Variants in P2RY12 observed in about 807,000 individuals in gnomAD.
P2RY12 encodes the protein P2Y purinoceptor 12.
P2RY12 carries 3 observed loss-of-function variants against 4.5 expected under a neutral mutation model. The observed-to-expected ratio is 0.67, with a 90% CI of 0.31 to 1.74. The LOEUF (loss-of-function observed/expected upper bound fraction) is 1.74, where lower values mean the gene tolerates loss of function less well. Ranked by LOEUF, P2RY12 falls within the 40% of genes most tolerant of loss-of-function variation. The pLI, the probability that P2RY12 is intolerant of heterozygous loss-of-function variation, is 0.09. For missense variants in P2RY12, 356 were observed against 407.8 expected, an observed-to-expected ratio of 0.87 and a Z score of 1.09; for synonymous variants, 148 against 154.1, an observed-to-expected ratio of 0.96 and a Z score of 0.29.
chr3:151,376,934 G>A, intron 1 of P2RY12: 5 of 1,608,936 alleles, frequency 3.1e-6, no homozygotes, highest in Non-Finnish European at 4.3e-6. Flanking sequence ...AAAACACGTT[G>A]ATGTTTGAGG....
chr3:151,371,751 G>A (rs375346868), intron 1 of P2RY12, among the ~76,000 whole-genome samples: 1 of 152,190 alleles, frequency 6.6e-6, no homozygotes, highest in Non-Finnish European at 1.5e-5. Context: ...TTTGAAGGCT[G>A]TGCTGTCATT....
intron 1 of P2RY12, chr3:151,384,139 C>T (rs1398037103): frequency 4.3e-6 from 7 of 1,613,972 alleles, no homozygotes; most frequent in Non-Finnish European, 5.9e-6. Flanking sequence ...GGAACGTTAG[C>T]CTCTGACCTA....
rs1331087387 is a variant in P2RY12 at position 151,338,156 on chromosome 3, G to A, written c.690C>T (p.Pro230=). The A allele has an allele frequency of 1.9e-6, 3 of 1,613,912 alleles. No individual in the cohort carries two copies. Among genetic ancestry groups the A allele is most frequent in the Non-Finnish European group, 2.5e-6 (3 of 1,179,938 alleles). ...YVRTRGVGKV[P]RKKVNVKVFI... Reference sequence around the variant, plus strand: ...AAACTTTGACGTTCACCTTTTTCCTGGGGACTTTACCTACACCCCTCGTTC... The same window carrying A: ...AAACTTTGACGTTCACCTTTTTCCTAGGGACTTTACCTACACCCCTCGTTC... The change falls in exon 3 of 3, where the codon CCC becomes CCT. Residue 230 remains proline (P), a synonymous_variant. Transcript: ENST00000302632.
At chr3:151,356,267 C>G (rs1237766972) in intron 1 of P2RY12, among the ~76,000 whole-genome samples, 1 of 152,136 alleles carries the variant, frequency 6.6e-6, no homozygotes, top group East Asian at 1.9e-4. Context: ...GGTTGCATGC[C>G]TGTAGTCCCA....
chr3:151,367,036 T>C (rs953906463), intron 1 of P2RY12, among the ~76,000 whole-genome samples: 3 of 152,208 alleles, frequency 2.0e-5, no homozygotes, highest in African/African-American at 7.2e-5. Flanking sequence ...TAGTTGTTTT[T>C]CTTATTATTT....
At chr3:151,357,454 A>C (rs1468556580) in intron 1 of P2RY12, 2 of 1,299,796 alleles carry the variant, frequency 1.5e-6, no homozygotes, top group Non-Finnish European at 2.1e-6. Flanking sequence ...AGTGGCTTTA[A>C]AAGAAAAATA....
At chr3:151,342,254 T>C (rs924206720) in intron 1 of P2RY12, among the ~76,000 whole-genome samples, 1 of 152,218 alleles carries the variant, frequency 6.6e-6, no homozygotes, top group African/African-American at 2.4e-5. Flanking sequence ...GCTTTAACTT[T>C]ATGTAAATAT....
intron 1 of P2RY12, among the ~76,000 whole-genome samples, chr3:151,341,909 A>G (rs961739840): frequency 2.6e-5 from 4 of 152,158 alleles, no homozygotes; most frequent in African/African-American, 4.8e-5. Flanking sequence ...ACATGAACTC[A>G]TCATTTTTTA....
At chr3:151,364,823 G>A (rs528133923) in intron 1 of P2RY12, among the ~76,000 whole-genome samples, 24 of 151,960 alleles carry the variant, frequency 1.6e-4, no homozygotes, top group Non-Finnish European at 2.5e-4. Context: ...TTTGATTAGC[G>A]CCAATTAGTA....
intron 1 of P2RY12, chr3:151,366,082 A>T: frequency 9.1e-7 from 1 of 1,094,104 alleles, no homozygotes; most frequent in Non-Finnish European, 1.3e-6. Context: ...TATTTAATTG[A>T]TTCAACTGAA....
At chr3:151,378,048 C>T in intron 1 of P2RY12, 1 of 1,610,336 alleles carries the variant, frequency 6.2e-7, no homozygotes, top group Non-Finnish European at 8.5e-7. Context: ...TGGTGGCCCC[C>T]CTCATCGCCA....
intron 1 of P2RY12, among the ~76,000 whole-genome samples, chr3:151,345,534 T>TC (rs1752424683): frequency 6.7e-6 from 1 of 148,276 alleles, no homozygotes; most frequent in African/African-American, 2.5e-5. Context: ...TTTTTTTTTT[T>TC]GAGACCAAGT....
At position 151,337,822 on chromosome 3, in the gene P2RY12, T is replaced by C. The variant is rs757399384; in HGVS notation, c.1024A>G (p.Met342Val). ...DGGDPNEETP[M>V] Reference sequence around the variant, plus strand: ...TATTTCCTTAGTTAATTTGTTTACATTGGAGTCTCTTCATTTGGGTCACCA... The same window carrying C: ...TATTTCCTTAGTTAATTTGTTTACACTGGAGTCTCTTCATTTGGGTCACCA... Residue 342 changes from methionine to valine, a missense_variant, in exon 3 of 3, where the codon ATG (methionine) becomes GTG (valine). Physicochemically the swap from Met to Val is conservative, Grantham distance 21. Transcript: ENST00000302632. 7 of 1,613,808 alleles carry C rather than the reference T, an allele frequency of 4.3e-6. No individual in the cohort carries two copies. In the Admixed American group the frequency reaches 1.2e-4, roughly 27 times the overall value.
rs114822450 is a variant in P2RY12, at chr3:151,361,314, C to A, written c.-179-20554G>T. On this transcript the variant is annotated intron_variant, in intron 1 of 2. Coordinates refer to ENST00000302632, the MANE Select transcript of P2RY12 (RefSeq NM_022788.5). ...ATGAGTTTTTTTAAAATGACCAGTA[C>A]CCTCACTGAATAACATTAAATCAAT... Among the ~76,000 whole-genome samples, 813 of 152,042 alleles carry A rather than the reference C, an allele frequency of 5.3e-3. 12 individuals carry two copies. The highest frequency in any genetic ancestry group is 0.019 in the African/African-American group (774 of 41,470).
rs188829702 is a variant in P2RY12 at position 151,356,897 on chromosome 3, T to C, written c.-179-16137A>G. Among the ~76,000 whole-genome samples, 139 of 152,306 alleles carry C rather than the reference T, an allele frequency of 9.1e-4. 2 individuals are homozygous for C. The highest frequency in any genetic ancestry group is 7.4e-3 in the Admixed American group (113 of 15,294). ...AATGAAAAGAAAAGCCAAATAACTT[T>C]CATTTTATTAAAAAGACAAAGGGGA... On this transcript the variant is annotated intron_variant, in intron 1 of 2. Coordinates refer to ENST00000302632, the MANE Select transcript of P2RY12 (RefSeq NM_022788.5).
intron 1 of P2RY12, among the ~76,000 whole-genome samples, chr3:151,343,605 ATC>A (rs1487610625): frequency 1.3e-5 from 2 of 150,208 alleles, no homozygotes; most frequent in Non-Finnish European, 3.0e-5. Flanking sequence ...AGATACTTTA[ATC>A]TCTCATTAGT....
intron 1 of P2RY12, chr3:151,377,115 C>T: frequency 1.2e-6 from 2 of 1,614,016 alleles, no homozygotes; most frequent in Non-Finnish European, 1.7e-6. Context: ...CTCTTCAACC[C>T]AAACAGTATT....
Position 151,340,653 on chromosome 3 carries a change from A to G in P2RY12, c.-72T>C, listed in dbSNP as rs3821667. The G allele has an allele frequency of 0.85, 129,513 of 152,618 alleles. 54,992 individuals are homozygous for G. The highest frequency in any genetic ancestry group is 0.95 in the Middle Eastern group (280 of 294). The allele number at this position is 152,618 out of a possible 1,614,324, so 9.5% of individuals were successfully genotyped here. A position where few individuals can be genotyped will look rare whatever the true frequency, so the allele number is the denominator to read the frequency against. On this transcript the variant is annotated 5_prime_UTR_variant, in exon 2 of 3. Coordinates refer to ENST00000302632, the MANE Select transcript of P2RY12 (RefSeq NM_022788.5). ...TATCCAGTAAGTAGTAGTTATTGCAACCTGCAGAGTGGCATCTGGTATTTT... is the reference window on the plus strand; with the variant it reads ...TATCCAGTAAGTAGTAGTTATTGCAGCCTGCAGAGTGGCATCTGGTATTTT...
chr3:151,358,514 T>G (rs1754212504), intron 1 of P2RY12, among the ~76,000 whole-genome samples: 1 of 152,146 alleles, frequency 6.6e-6, no homozygotes, highest in Non-Finnish European at 1.5e-5. Context: ...AATAGTATAT[T>G]GAAACCCATT....
Sources: gnomAD v4.1 joint callset for allele counts (sites outside exome capture counted in the v4.1 genomes callset) on GRCh38, gnomAD v4.1.1 for gene constraint, MANE v1.5 for transcripts, NCBI Gene and HGNC (gene_info 2026-07-23, HGNC 2026-07-21) for gene names.